The following SCAPER variants were observed in gnomAD, a reference collection of about 807,000 sequenced individuals.
The protein encoded by SCAPER is S-phase cyclin A associated protein in the ER.
Under a neutral mutation model 182.2 loss-of-function variants are expected in SCAPER, and 98 were observed. The observed-to-expected ratio is 0.54, with a 90% CI of 0.46 to 0.64. SCAPER has a LOEUF of 0.64. Ranked by LOEUF, SCAPER falls within the 30% of genes least tolerant of loss-of-function variation. SCAPER has a pLI of 0.00. For missense variants in SCAPER, 1,432 were observed against 1,690.0 expected (o/e 0.85, Z 2.68); for synonymous variants, 605 against 564.6 (o/e 1.07, Z -1.01).
At chr15:76,361,717 C>A (rs1281282353) in intron 29 of SCAPER, among the ~76,000 whole-genome samples, 1 of 152,136 alleles carries the variant, frequency 6.6e-6, no homozygotes, top group African/African-American at 2.4e-5. Flanking sequence ...GTATCTCAAC[C>A]CTTTTCAGTT....
chr15:76,901,435 A>G (rs1042494433), intron 1 of SCAPER, among the ~76,000 whole-genome samples: 1 of 152,198 alleles, frequency 6.6e-6, no homozygotes, highest in Non-Finnish European at 1.5e-5. Flanking sequence ...AAGCAGGCCT[A>G]ATGCATACTA....
chr15:76,652,309 T>TATATATATACAC (rs1567706570), intron 21 of SCAPER, among the ~76,000 whole-genome samples: 1 of 14,162 alleles, frequency 7.1e-5, no homozygotes, highest in Non-Finnish European at 1.1e-4. Context: ...TATATATATA[T>TATATATATACAC]ACACACACAC....
rs146651043 is a variant in SCAPER at position 76,522,152 on chromosome 15, A to T, written c.2839-17178T>A. Among the ~76,000 whole-genome samples, 1,106 of 152,262 alleles carry T rather than the reference A, an allele frequency of 7.3e-3. 8 individuals are homozygous for T. The highest frequency in any genetic ancestry group is 0.011 in the Non-Finnish European group (757 of 67,996). On this transcript the variant is annotated intron_variant, in intron 23 of 31. Coordinates refer to ENST00000563290, the MANE Select transcript of SCAPER (RefSeq NM_020843.4). The stretch of plus-strand genomic sequence containing the variant: ...GTGTATAATATTATTTCTCATTTAC[A>T]TGGGGAATTCTATTCTGAAAAATCC...
At chr15:76,585,245 T>C (rs967268673) in intron 22 of SCAPER, among the ~76,000 whole-genome samples, 14 of 152,072 alleles carry the variant, frequency 9.2e-5, no homozygotes, top group African/African-American at 3.4e-4. Flanking sequence ...CACACTAAAG[T>C]AGACATTCAA....
chr15:76,724,859 C>T (rs1238949498), intron 17 of SCAPER, among the ~76,000 whole-genome samples: 1 of 152,036 alleles, frequency 6.6e-6, no homozygotes, highest in Non-Finnish European at 1.5e-5. Context: ...AACTTCTTTG[C>T]CATTGGTTCG....
intron 6 of SCAPER, among the ~76,000 whole-genome samples, chr15:76,801,654 C>T (rs1348484911): frequency 6.6e-6 from 1 of 151,970 alleles, no homozygotes; most frequent in Non-Finnish European, 1.5e-5. Context: ...GCATGGTGGC[C>T]CATTCCTGTA....
intron 15 of SCAPER, among the ~76,000 whole-genome samples, chr15:76,747,713 CTTACTGCCTCCTCTT>C: frequency 6.6e-6 from 1 of 152,192 alleles, no homozygotes; most frequent in Non-Finnish European, 1.5e-5. Context: ...TCCCTCCTCT[CTTACTGCCTCCTCTT>C]TCACGATGTG....
At chr15:76,851,367 A>G (rs1391388105) in intron 4 of SCAPER, among the ~76,000 whole-genome samples, 1 of 152,198 alleles carries the variant, frequency 6.6e-6, no homozygotes, top group African/African-American at 2.4e-5. Context: ...CAAGAAGATC[A>G]ACCCCCAAGA....
At chr15:76,537,049 T>C (rs2044231782) in intron 23 of SCAPER, among the ~76,000 whole-genome samples, 1 of 152,094 alleles carries the variant, frequency 6.6e-6, no homozygotes, top group Admixed American at 6.6e-5. Flanking sequence ...TGCAAACCAT[T>C]GCTCAATGAA....
intron 15 of SCAPER, among the ~76,000 whole-genome samples, chr15:76,744,664 A>T (rs147777826): frequency 6.6e-6 from 1 of 152,192 alleles, no homozygotes; most frequent in Admixed American, 6.5e-5. Context: ...AGAAAAGGGA[A>T]CGCTTATACA....
chr15:76,841,242 C>T lies in SCAPER; in HGVS notation c.393+492G>A, dbSNP rs138087082. Among the ~76,000 whole-genome samples, 26 of 152,076 alleles carry T rather than the reference C, an allele frequency of 1.7e-4. No homozygotes were observed. In the East Asian group the frequency reaches 2.9e-3, roughly 17 times the overall value. On this transcript the variant is annotated intron_variant, in intron 5 of 31. Coordinates refer to ENST00000563290, the MANE Select transcript of SCAPER (RefSeq NM_020843.4). ...AAAAAAATCTTCAAAATCAAGAAAACGTGAAGCATAATGCTGATGTTAGTG... is the reference window on the plus strand; with the variant it reads ...AAAAAAATCTTCAAAATCAAGAAAATGTGAAGCATAATGCTGATGTTAGTG...
intron 27 of SCAPER, among the ~76,000 whole-genome samples, chr15:76,397,668 C>T (rs754765947): frequency 3.3e-5 from 5 of 151,782 alleles, no homozygotes; most frequent in African/African-American, 7.3e-5. Context: ...TTAGTAGAGA[C>T]GGGGTTTCTA....
At chr15:76,369,048 A>C (rs1189031673) in intron 29 of SCAPER, among the ~76,000 whole-genome samples, 1 of 152,242 alleles carries the variant, frequency 6.6e-6, no homozygotes. Context: ...GATTCATTCC[A>C]TCAAGGATGG....
intron 24 of SCAPER, among the ~76,000 whole-genome samples, chr15:76,475,794 G>T (rs1182487390): frequency 6.6e-6 from 1 of 152,184 alleles, no homozygotes; most frequent in Non-Finnish European, 1.5e-5. Flanking sequence ...AGGCCTGGGG[G>T]TGTGTTCCTT....
At chr15:76,794,624 A>G (rs1477162528) in intron 8 of SCAPER, among the ~76,000 whole-genome samples, 1 of 152,240 alleles carries the variant, frequency 6.6e-6, no homozygotes, top group Non-Finnish European at 1.5e-5. Flanking sequence ...AGAAAACAGA[A>G]AGCAGTGTCT....
At chr15:76,804,486 T>C (rs900277682) in intron 6 of SCAPER, 47 bp downstream of exon 6, 1 of 1,285,536 alleles carries the variant, frequency 7.8e-7, no homozygotes, top group Non-Finnish European at 1.1e-6. Context: ...GTGATTGCTA[T>C]TGAAACTGCT....
intron 17 of SCAPER, among the ~76,000 whole-genome samples, chr15:76,713,562 A>T (rs1456682067): frequency 4.0e-5 from 6 of 151,366 alleles, no homozygotes; most frequent in Non-Finnish European, 8.8e-5. Flanking sequence ...TCTTACTCAT[A>T]GGTGGGAAAT....
chr15:76,542,170 T>C (rs1000186048), intron 23 of SCAPER, among the ~76,000 whole-genome samples: 7 of 152,256 alleles, frequency 4.6e-5, no homozygotes, highest in African/African-American at 1.2e-4. Context: ...ATATTATAGA[T>C]AAATTGCAGC....
At chr15:76,432,551 T>G (rs577381597) in intron 26 of SCAPER, among the ~76,000 whole-genome samples, 2 of 152,232 alleles carry the variant, frequency 1.3e-5, no homozygotes, top group South Asian at 2.1e-4. Context: ...TTGCATGGAT[T>G]TGGGGAGCCA....
Sources: gnomAD v4.1 joint callset for allele counts (sites outside exome capture counted in the v4.1 genomes callset) on GRCh38, gnomAD v4.1.1 for gene constraint, MANE v1.5 for transcripts, NCBI Gene and HGNC (gene_info 2026-07-23, HGNC 2026-07-21) for gene names.